The following ADCY8 variants were observed in gnomAD, a reference collection of about 807,000 sequenced individuals.
The protein encoded by ADCY8 is adenylate cyclase 8.
A neutral mutation model predicts 119.7 loss-of-function variants in ADCY8; 51 were observed. That is an observed-to-expected ratio of 0.43 (90% CI 0.34 to 0.54). ADCY8 has a LOEUF of 0.54. ADCY8 is among the 20% of genes least tolerant of loss of function. The probability of loss-of-function intolerance (pLI) is 0.03; values close to 1 mark genes in which losing one functional copy is unlikely to be tolerated. For missense variants in ADCY8, 1,383 were observed against 1,598.8 expected (o/e 0.87, Z 2.30); for synonymous variants, 665 against 651.0 (o/e 1.02, Z -0.33).
intron 16 of ADCY8, among the ~76,000 whole-genome samples, chr8:130,784,282 A>T (rs566333636): frequency 2.0e-5 from 3 of 151,982 alleles, no homozygotes; most frequent in Admixed American, 2.0e-4. Context: ...AACTGTGTCT[A>T]TTTCCTTTGA....
intron 11 of ADCY8, 109 bp downstream of exon 11, chr8:130,847,315 C>T (rs1048161568): frequency 5.6e-6 from 4 of 709,108 alleles, no homozygotes; most frequent in Admixed American, 3.0e-5. Context: ...AGAAGGAAAA[C>T]AGGCCTCTTG....
At chr8:130,826,359 T>A (rs1201098561) in intron 12 of ADCY8, among the ~76,000 whole-genome samples, 1 of 152,196 alleles carries the variant, frequency 6.6e-6, no homozygotes, top group African/African-American at 2.4e-5. Context: ...ATGAGGACTG[T>A]GTGGACAAAT....
chr8:130,853,643 T>A (rs1021598217), intron 9 of ADCY8, among the ~76,000 whole-genome samples: 4 of 150,996 alleles, frequency 2.6e-5, no homozygotes, highest in African/African-American at 9.8e-5. Flanking sequence ...TGGCGGGGAG[T>A]TCATCAGGGT....
rs567211363 is a variant in ADCY8, at chr8:130,875,570, C to T, written c.2110-7624G>A. 2.0e-5 allele frequency among the ~76,000 whole-genome samples: 3 copies of T among 152,278 alleles called. No homozygotes were observed. In the South Asian group the frequency reaches 6.2e-4, roughly 32 times the overall value. The stretch of plus-strand genomic sequence containing the variant: ...TTTGCTCGTTACCTAATTCCAGAGT[C>T]CAACATCATAACCCATCAGAAAATT... On this transcript the variant is annotated intron_variant, in intron 8 of 17. Transcript: ENST00000286355.
intron 10 of ADCY8, among the ~76,000 whole-genome samples, chr8:130,849,093 C>A (rs572886483): frequency 3.3e-5 from 5 of 152,234 alleles, no homozygotes; most frequent in African/African-American, 1.2e-4. Flanking sequence ...CCCAGAGATA[C>A]AATTTAGCAT....
At chr8:130,811,611 C>T (rs1471767433) in intron 14 of ADCY8, among the ~76,000 whole-genome samples, 1 of 152,120 alleles carries the variant, frequency 6.6e-6, no homozygotes, top group Admixed American at 6.5e-5. Context: ...TTTGTAGCAT[C>T]CTCAGCAAGG....
intron 9 of ADCY8, among the ~76,000 whole-genome samples, chr8:130,860,633 T>C (rs924663954): frequency 6.6e-6 from 1 of 152,176 alleles, no homozygotes; most frequent in African/African-American, 2.4e-5. Flanking sequence ...TAATTTATTT[T>C]TTTATTTTAC....
chr8:130,937,118 G>T lies in ADCY8; in HGVS notation c.1436C>A (p.Ala479Asp). Residue 479 changes from alanine to aspartate, a missense_variant, in exon 5 of 18, where the codon GCC (alanine) becomes GAC (aspartate). Physicochemically the swap from Ala to Asp is moderately radical, Grantham distance 126. Transcript: ENST00000286355. ...SGLPEPRQDHAHCCVEMGLSM... is the reference protein window; with the variant it reads ...SGLPEPRQDHDHCCVEMGLSM... ...GAGACCCATTTCAACACAGCAGTGG[G>T]CATGGTCCTGGCGGGGCTCAGGAAG... The T allele has an allele frequency of 6.2e-7, 1 of 1,613,846 alleles. No homozygotes were observed. The highest frequency in any genetic ancestry group is 8.5e-7 in the Non-Finnish European group (1 of 1,179,848).
intron 6 of ADCY8, among the ~76,000 whole-genome samples, chr8:130,907,357 T>C (rs1351397122): frequency 6.6e-6 from 1 of 150,730 alleles, no homozygotes; most frequent in Non-Finnish European, 1.5e-5. Context: ...AAGAAGACAA[T>C]AAAAAAGTGG....
At chr8:130,990,308 C>T (rs768767155) in intron 2 of ADCY8, 85 bp downstream of exon 2, 26 of 1,491,952 alleles carry the variant, frequency 1.7e-5, no homozygotes, top group Non-Finnish European at 2.1e-5. Flanking sequence ...TAAGTCAGGA[C>T]GTGTTTGGGA....
At chr8:130,930,379 G>C (rs1176595403) in intron 5 of ADCY8, among the ~76,000 whole-genome samples, 1 of 151,768 alleles carries the variant, frequency 6.6e-6, no homozygotes, top group Admixed American at 6.6e-5. Flanking sequence ...AGCCTCTCAA[G>C]TAGCTGGGAC....
chr8:131,031,650 C>G (rs1824000722), intron 1 of ADCY8, among the ~76,000 whole-genome samples: 1 of 152,166 alleles, frequency 6.6e-6, no homozygotes, highest in African/African-American at 2.4e-5. Flanking sequence ...GCCTTGAGTT[C>G]AATCTCTTGC....
At chr8:130,955,108 T>A (rs1181935005) in intron 2 of ADCY8, among the ~76,000 whole-genome samples, 1 of 152,112 alleles carries the variant, frequency 6.6e-6, no homozygotes, top group Non-Finnish European at 1.5e-5. Flanking sequence ...CAGCCAAGAT[T>A]CAAGAGGGAG....
chr8:130,848,490 C>A (rs1239270430), intron 10 of ADCY8, among the ~76,000 whole-genome samples: 5 of 152,140 alleles, frequency 3.3e-5, no homozygotes, highest in Admixed American at 3.3e-4. Context: ...ATCCACAGAG[C>A]CTTCACTAGA....
Position 130,814,193 on chromosome 8 carries a change from C to T in ADCY8, c.2789G>A (p.Arg930Gln), listed in dbSNP as rs1052999214. 2 of 1,613,962 alleles carry T rather than the reference C, an allele frequency of 1.2e-6. No individual in the cohort carries two copies. Among genetic ancestry groups the T allele is most frequent in the Non-Finnish European group, 1.7e-6 (2 of 1,180,024 alleles). Residue 930 changes from arginine (R) to glutamine (Q), a missense_variant, in exon 14 of 18, where the codon CGA becomes CAA. By Grantham distance (43) the Arg-to-Gln change is conservative. Around this residue, in one of 2 missense-constraint regions of ADCY8, gnomAD observed 928 missense variants for 1,163.5 expected, o/e 0.80. Transcript: ENST00000286355. ...ATTGATCTCCTCTTTGGCCTGTACT[C>T]GCCAAAGGAAGTCCAGGCGGGCTGT... Reference protein sequence around the residue: ...EYTARLDFLWRVQAKEEINEM... With the variant: ...EYTARLDFLWQVQAKEEINEM...
chr8:130,873,476 A>C (rs1007477907), intron 8 of ADCY8, among the ~76,000 whole-genome samples: 2 of 151,830 alleles, frequency 1.3e-5, no homozygotes, highest in Non-Finnish European at 1.5e-5. Context: ...GCGCCACCAC[A>C]CCCAGCTAAT....
intron 2 of ADCY8, among the ~76,000 whole-genome samples, chr8:130,969,173 A>G (rs544518378): frequency 1.4e-3 from 214 of 152,272 alleles, no homozygotes; most frequent in South Asian, 3.7e-3. Context: ...CTTTGAGGAA[A>G]GCAGATTGTC....
At chr8:130,830,900 C>T (rs1045203133) in intron 12 of ADCY8, among the ~76,000 whole-genome samples, 1 of 152,196 alleles carries the variant, frequency 6.6e-6, no homozygotes, top group African/African-American at 2.4e-5. Context: ...TTAATGCATT[C>T]CAGTATTTTG....
chr8:130,881,846 TA>T (rs1332640267), intron 8 of ADCY8, among the ~76,000 whole-genome samples: 6 of 132,296 alleles, frequency 4.5e-5, no homozygotes, highest in East Asian at 2.7e-4. Context: ...AATTCTCTGA[TA>T]ATTTTTTTTT....
Sources: allele counts gnomAD v4.1 joint callset (sites outside exome capture counted in the v4.1 genomes callset), GRCh38; gene constraint gnomAD v4.1.1; regional missense constraint gnomAD v4.1.1; transcripts MANE v1.5; gene names NCBI Gene and HGNC (gene_info 2026-07-23, HGNC 2026-07-21).